SERINC5: variants seen among roughly 807,000 people sequenced by gnomAD.
SERINC5 encodes chromosome 5 open reading frame 12.
A neutral mutation model predicts 63.1 loss-of-function variants in SERINC5; 41 were observed. That is an observed-to-expected ratio of 0.65 (90% confidence interval 0.51 to 0.84). The LOEUF is 0.84. Among genes scored for constraint, SERINC5 ranks in the 40% least tolerant of loss-of-function variants. SERINC5 has a pLI of 0.00. For synonymous variants in SERINC5, 222 were observed against 215.2 expected, an observed-to-expected ratio of 1.03 and a Z score of -0.28; for missense variants, 523 against 573.0, an observed-to-expected ratio of 0.91 and a Z score of 0.89.
At chr5:80,233,954 G>A (rs28437163) in intron 1 of SERINC5, among the ~76,000 whole-genome samples, 51,175 of 151,130 alleles carry the variant, frequency 0.34, 9,671 homozygotes, top group East Asian at 0.6. Flanking sequence ...TGGGACTACA[G>A]GTGCCCGCCA....
intron 7 of SERINC5, among the ~76,000 whole-genome samples, chr5:80,163,976 T>G (rs1747106647): frequency 6.6e-6 from 1 of 151,010 alleles, no homozygotes; most frequent in Non-Finnish European, 1.5e-5. Context: ...TTTGGTAGGA[T>G]TTGGCTATGA....
chr5:80,235,866 T>C (rs1751664599), intron 1 of SERINC5, among the ~76,000 whole-genome samples: 1 of 149,716 alleles, frequency 6.7e-6, no homozygotes, highest in South Asian at 2.1e-4. Context: ...TTTTCTGTTA[T>C]GTGTACTTTC....
intron 1 of SERINC5, among the ~76,000 whole-genome samples, chr5:80,206,949 C>G (rs892696315): frequency 2.0e-5 from 3 of 151,384 alleles, no homozygotes; most frequent in Admixed American, 1.3e-4. Context: ...CCATGCCTGG[C>G]TGGTTGCTAA....
At chr5:80,186,105 A>G (rs1183255340) in intron 2 of SERINC5, among the ~76,000 whole-genome samples, 1 of 136,136 alleles carries the variant, frequency 7.3e-6, no homozygotes, top group Non-Finnish European at 1.6e-5. Context: ...CTTTGGATTG[A>G]AAGATTAACT....
chr5:80,150,175 C>T (rs1486270286), intron 9 of SERINC5, among the ~76,000 whole-genome samples: 1 of 152,180 alleles, frequency 6.6e-6, no homozygotes, highest in Non-Finnish European at 1.5e-5. Context: ...TACATAATCT[C>T]ACAGCCACGC....
At chr5:80,232,208 T>C (rs912323134) in intron 1 of SERINC5, among the ~76,000 whole-genome samples, 17 of 136,486 alleles carry the variant, frequency 1.2e-4, no homozygotes, top group African/African-American at 4.7e-4. Flanking sequence ...ATCAAGACCA[T>C]CCTGGCTAAC....
intron 1 of SERINC5, among the ~76,000 whole-genome samples, chr5:80,218,836 C>A: frequency 6.6e-6 from 1 of 152,112 alleles, no homozygotes; most frequent in East Asian, 1.9e-4. Context: ...CCACAAACCA[C>A]ATCACAGAAA....
Position 80,173,233 on chromosome 5 carries a change from G to A in SERINC5, c.551+1721C>T, listed in dbSNP as rs745838398. ...GGAAAGGCAGGAAGGAAAGAAGGAA[G>A]GAAGGAAGGAAGGAAGGAAGGAAGG... On this transcript the variant is annotated intron_variant, in intron 5 of 11. Transcript: ENST00000507668. Among the ~76,000 whole-genome samples the A allele has an allele frequency of 1.3e-3, 96 of 72,988 alleles. No individual in the cohort carries two copies. The Middle Eastern group carries it at 0.019, about 15-fold the overall frequency. 47.9% of individuals were successfully genotyped at this position (72,988 alleles called of 152,430 possible). A position where few individuals can be genotyped will look rare whatever the true frequency, so the allele number is the denominator to read the frequency against.
At chr5:80,244,640 A>G (rs113588812) in intron 1 of SERINC5, among the ~76,000 whole-genome samples, 77,261 of 151,332 alleles carry the variant, frequency 0.51, 19,947 homozygotes, top group Middle Eastern at 0.59. Flanking sequence ...GACCAACATG[A>G]AGGAACCCCA....
chr5:80,118,362 A>G (rs192826906), intron 11 of SERINC5, among the ~76,000 whole-genome samples: 3 of 152,306 alleles, frequency 2.0e-5, no homozygotes, highest in East Asian at 3.9e-4. Context: ...TCAGGCAACT[A>G]TAACAAAATA....
intron 4 of SERINC5, among the ~76,000 whole-genome samples, chr5:80,177,009 T>C (rs1172200337): frequency 6.6e-6 from 1 of 152,220 alleles, no homozygotes; most frequent in African/African-American, 2.4e-5. Flanking sequence ...ATTTAGCTGC[T>C]GACAGCCCTG....
At chr5:80,203,842 G>C (rs13354808) in intron 1 of SERINC5, among the ~76,000 whole-genome samples, 27,458 of 152,052 alleles carry the variant, frequency 0.18, 2,654 homozygotes, top group Admixed American at 0.2. Context: ...ATGGAAGGCT[G>C]GCTATCAGTG....
intron 1 of SERINC5, among the ~76,000 whole-genome samples, chr5:80,215,160 T>C (rs924579325): frequency 6.6e-6 from 1 of 152,184 alleles, no homozygotes; most frequent in Non-Finnish European, 1.5e-5. Context: ...GACTGCATCA[T>C]GGGGGAAGAT....
intron 2 of SERINC5, among the ~76,000 whole-genome samples, chr5:80,201,763 CGCTGACCAAAGA>C (rs1212148084): frequency 6.6e-6 from 1 of 152,158 alleles, no homozygotes; most frequent in African/African-American, 2.4e-5. Context: ...CTTCTGTATA[CGCTGACCAAAGA>C]ACGGCCAAAA....
chr5:80,181,416 T>TTTGTGTG, intron 2 of SERINC5, among the ~76,000 whole-genome samples: 1 of 145,444 alleles, frequency 6.9e-6, no homozygotes, highest in South Asian at 2.3e-4. Context: ...TCAGCTAATT[T>TTTGTGTG]TGTGTGTGTG....
intron 1 of SERINC5, among the ~76,000 whole-genome samples, chr5:80,209,576 T>G (rs1464773561): frequency 6.6e-6 from 1 of 152,206 alleles, no homozygotes; most frequent in Non-Finnish European, 1.5e-5. Context: ...TCTATGTACA[T>G]ACACATATGT....
In SERINC5 at chr5:80,184,412, C is replaced by A. The variant is rs556573721; in HGVS notation, c.196-6348G>T. On this transcript the variant is annotated intron_variant, in intron 2 of 11. Transcript: ENST00000507668. The stretch of plus-strand genomic sequence containing the variant: ...TCCAAAATCCATTTCAAGGAGAATG[C>A]TAACAGCAGCAGGCTGAGCCACCAT... Among the ~76,000 whole-genome samples, 34 of 152,276 alleles carry A rather than the reference C, an allele frequency of 2.2e-4. 1 individual carries two copies. The highest frequency in any genetic ancestry group is 7.9e-4 in the African/African-American group (33 of 41,542).
intron 2 of SERINC5, among the ~76,000 whole-genome samples, chr5:80,180,463 C>T (rs1003494668): frequency 1.3e-4 from 20 of 152,168 alleles, no homozygotes; most frequent in African/African-American, 2.9e-4. Context: ...GTGGCTATCA[C>T]GATTTCCATA....
chr5:80,227,699 A>G (rs1336057323), intron 1 of SERINC5, among the ~76,000 whole-genome samples: 1 of 152,156 alleles, frequency 6.6e-6, no homozygotes, highest in African/African-American at 2.4e-5. Context: ...AAAATTCAAA[A>G]ACTAGCCAGG....
Sources: allele counts gnomAD v4.1 joint callset (sites outside exome capture counted in the v4.1 genomes callset), GRCh38; gene constraint gnomAD v4.1.1; transcripts MANE v1.5; gene names NCBI Gene and HGNC (gene_info 2026-07-23, HGNC 2026-07-21).